FIRRM: variants seen among roughly 807,000 people sequenced by gnomAD.
FIRRM encodes FIGNL1 interacting regulator of recombination and mitosis, also known as FIGNL1-interacting regulator of recombination and mitosis.
At chr1:169,794,670 A>G in the FIRRM span, 1 of 161,570 alleles carries the variant, frequency 6.2e-6, no homozygotes, top group African/African-American at 2.4e-5. Context: ...TCCCGCGGCT[A>G]GGAACGCGCC....
chr1:169,852,985 T>C, the FIRRM span: 1 of 1,613,660 alleles, frequency 6.2e-7, no homozygotes. Flanking sequence ...TACTCTAGGG[T>C]GAAACTTATC....
chr1:169,811,025 A>C, the FIRRM span, among the ~76,000 whole-genome samples: 2 of 148,460 alleles, frequency 1.3e-5, no homozygotes, highest in South Asian at 4.3e-4. Flanking sequence ...GCGCCCGGCT[A>C]ATTTTTTTGT....
At chr1:169,814,554 T>C in the FIRRM span, among the ~76,000 whole-genome samples, 1 of 152,232 alleles carries the variant, frequency 6.6e-6, no homozygotes, top group East Asian at 1.9e-4. Flanking sequence ...AAGTTATTGC[T>C]TGAGGTGCCT....
chr1:169,803,450 TA>T, the FIRRM span: 2 of 908,286 alleles, frequency 2.2e-6, no homozygotes, highest in Non-Finnish European at 3.0e-6. Context: ...AACATGTAAG[TA>T]AATAATTGTT....
the FIRRM span, among the ~76,000 whole-genome samples, chr1:169,815,540 G>A: frequency 6.6e-6 from 1 of 152,142 alleles, no homozygotes; most frequent in Non-Finnish European, 1.5e-5. Flanking sequence ...ACTGATGGGA[G>A]TATCTTTTAT....
the FIRRM span, among the ~76,000 whole-genome samples, chr1:169,840,955 T>G: frequency 2.6e-5 from 4 of 152,238 alleles, no homozygotes; most frequent in Admixed American, 1.3e-4. Context: ...TTTCTCTTGC[T>G]TATTGCTCTG....
the FIRRM span, chr1:169,850,001 T>C: frequency 1.4e-5 from 7 of 504,808 alleles, 1 homozygote; most frequent in Admixed American, 2.0e-4. Context: ...ATTTGCTGTA[T>C]AGTCATGCCT....
the FIRRM span, chr1:169,827,819 A>G: frequency 6.2e-7 from 1 of 1,613,992 alleles, no homozygotes; most frequent in Non-Finnish European, 8.5e-7. Flanking sequence ...ACAGACAGCC[A>G]GGTCTCAGAA....
chr1:169,829,149 T>G, the FIRRM span: 1 of 903,894 alleles, frequency 1.1e-6, no homozygotes, highest in Non-Finnish European at 1.6e-6. Context: ...TTGCTGATTA[T>G]ACCTCTTGAA....
the FIRRM span, among the ~76,000 whole-genome samples, chr1:169,787,323 T>G: frequency 1.3e-5 from 2 of 152,216 alleles, no homozygotes; most frequent in East Asian, 3.8e-4. Flanking sequence ...CTTTCTCTTA[T>G]GCCCACCTGC....
At chr1:169,835,070 A>G in the FIRRM span, among the ~76,000 whole-genome samples, 1 of 152,174 alleles carries the variant, frequency 6.6e-6, no homozygotes, top group East Asian at 1.9e-4. Flanking sequence ...AAGAAAGCAT[A>G]TTAGAGAAAA....
At chr1:169,796,961 AC>A in the FIRRM span, among the ~76,000 whole-genome samples, 1 of 152,314 alleles carries the variant, frequency 6.6e-6, no homozygotes, top group Non-Finnish European at 1.5e-5. Flanking sequence ...ACGCAGTCTT[AC>A]ACTTGTATCA....
At chr1:169,785,891 A>G in the FIRRM span, among the ~76,000 whole-genome samples, 1 of 152,160 alleles carries the variant, frequency 6.6e-6, no homozygotes, top group Non-Finnish European at 1.5e-5. Context: ...GGGTAAAATA[A>G]TTTACATTCA....
At chr1:169,788,950 C>A in the FIRRM span, among the ~76,000 whole-genome samples, 1 of 152,096 alleles carries the variant, frequency 6.6e-6, no homozygotes, top group Non-Finnish European at 1.5e-5. Context: ...ATTTTAATTC[C>A]TTGAAAAGGC....
the FIRRM span, chr1:169,830,843 A>G: frequency 2.7e-6 from 3 of 1,091,262 alleles, no homozygotes; most frequent in Admixed American, 3.5e-5. Context: ...CGGGAGAAAT[A>G]TCACAGTAAC....
At chr1:169,806,198 T>A in the FIRRM span, 3 of 667,184 alleles carry the variant, frequency 4.5e-6, no homozygotes, top group South Asian at 5.9e-5. Flanking sequence ...GTGAATTTAA[T>A]GTTCACTGAC....
chr1:169,805,871 C>A, the FIRRM span: 1 of 631,184 alleles, frequency 1.6e-6, no homozygotes, highest in African/African-American at 1.9e-5. Context: ...TTTGACACAA[C>A]TGTTTCCAAG....
chr1:169,849,422 C>T, the FIRRM span: 1 of 1,034,438 alleles, frequency 9.7e-7, no homozygotes, highest in African/African-American at 1.6e-5. Context: ...CAACACTGGG[C>T]TTATTGAATG....
the FIRRM span, chr1:169,795,031 G>A: frequency 2.5e-6 from 3 of 1,222,366 alleles, no homozygotes; most frequent in Non-Finnish European, 3.5e-6. Flanking sequence ...GCGCGCAAGG[G>A]TTGGCGGGAC....
Sources: gnomAD v4.1 joint callset for allele counts (sites outside exome capture counted in the v4.1 genomes callset) on GRCh38, gnomAD v4.1.1 for gene constraint, MANE v1.5 for transcripts, NCBI Gene and HGNC (gene_info 2026-07-23, HGNC 2026-07-21) for gene names.